TOM1L1: variants seen among roughly 807,000 people sequenced by gnomAD.
The protein encoded by TOM1L1 is target of myb1 like 1 membrane trafficking protein, also known as TOM1-like protein 1.
A neutral mutation model predicts 63.4 loss-of-function variants in TOM1L1; 64 were observed. The observed-to-expected ratio is 1.01, with a 90% CI of 0.83 to 1.24. TOM1L1 has a LOEUF of 1.24. Ranked by LOEUF, TOM1L1 falls within the 50% of genes most tolerant of loss-of-function variation. The pLI is 0.00. For synonymous variants in TOM1L1, 166 were observed against 194.4 expected (o/e 0.85, Z 1.22); for missense variants, 536 against 567.0 (o/e 0.95, Z 0.55).
At chr17:54,936,403 A>T (rs1183504447) in intron 8 of TOM1L1, 3 of 366,156 alleles carry the variant, frequency 8.2e-6, no homozygotes, top group Non-Finnish European at 9.8e-6. Context: ...AATAATGTTA[A>T]TAGATTTAAC....
intron 11 of TOM1L1, among the ~76,000 whole-genome samples, chr17:54,945,791 T>G (rs1007090552): frequency 7.2e-5 from 11 of 152,318 alleles, no homozygotes; most frequent in Admixed American, 2.0e-4. Context: ...AAAGATTGTT[T>G]GCAGTTCTTT....
Position 54,924,963 on chromosome 17 carries a change from T to A in TOM1L1, c.721-5110T>A, listed in dbSNP as rs967021060. ...CATACGGTATATTCTAATTCAGGGT[T>A]GTCTTCTAGAGGCTATTCTCGAGGC... On this transcript the variant is annotated intron_variant, in intron 7 of 15. Transcript: ENST00000575882. Among the ~76,000 whole-genome samples the A allele has an allele frequency of 3.3e-5, 5 of 152,366 alleles. No homozygotes were observed. In the East Asian group the frequency reaches 9.6e-4, roughly 29 times the overall value.
Position 54,936,692 on chromosome 17 carries a change from C to T in TOM1L1, c.898C>T (p.Gln300Ter). The change falls in exon 9 of 16, where the codon CAG (glutamine) becomes TAG (stop). Residue 300 changes from glutamine (Q) to a stop codon, truncating the protein, a stop_gained. Coordinates refer to ENST00000575882, the MANE Select transcript of TOM1L1 (RefSeq NM_005486.3). LOFTEE classifies it high-confidence loss of function. ...AAGGATTTTGGAGCAAAATAAGAAC[C>T]AGAAGGAAGCCACCAATGTAAGTGA... ...QQRILEQNKN[Q>*]KEATNTTSEP... is the part of the protein sequence containing the mutation. The T allele has an allele frequency of 1.2e-6, 2 of 1,605,750 alleles. No individual in the cohort carries two copies. Among genetic ancestry groups the T allele is most frequent in the Non-Finnish European group, 8.5e-7 (1 of 1,177,138 alleles).
intron 7 of TOM1L1, among the ~76,000 whole-genome samples, chr17:54,926,456 TTTTGTTTG>T (rs141426560): frequency 6.6e-6 from 1 of 152,030 alleles, no homozygotes; most frequent in Non-Finnish European, 1.5e-5. Flanking sequence ...ACTTTAATCT[TTTTGTTTG>T]TTTGTTTGTT....
intron 14 of TOM1L1, chr17:54,952,484 T>C (rs1003698880): frequency 1.4e-5 from 2 of 148,002 alleles, no homozygotes; most frequent in Admixed American, 1.4e-4. Context: ...GAGGTAGAGG[T>C]TGCAGTGAGC....
chr17:54,926,003 T>C (rs1449316282), intron 7 of TOM1L1, among the ~76,000 whole-genome samples: 2 of 152,238 alleles, frequency 1.3e-5, no homozygotes, highest in Non-Finnish European at 2.9e-5. Context: ...TCTGTTTCTT[T>C]GGAACCTATT....
intron 7 of TOM1L1, 100 bp downstream of exon 7, chr17:54,915,962 C>T (rs2048581913): frequency 4.3e-6 from 3 of 702,160 alleles, no homozygotes; most frequent in African/African-American, 1.8e-5. Flanking sequence ...TTGTCTAGTA[C>T]ATCCTCCTAC....
At chr17:54,959,845 G>A (rs2077067371) in intron 14 of TOM1L1, among the ~76,000 whole-genome samples, 1 of 151,966 alleles carries the variant, frequency 6.6e-6, no homozygotes, top group African/African-American at 2.4e-5. Flanking sequence ...TTGAAATCCT[G>A]GACTCAAGCG....
chr17:54,947,708 G>A (rs980981400), intron 12 of TOM1L1, among the ~76,000 whole-genome samples: 1 of 152,102 alleles, frequency 6.6e-6, no homozygotes, highest in East Asian at 1.9e-4. Context: ...CCTGCCTCAC[G>A]TTCATTTCTT....
intron 1 of TOM1L1, 78 bp from the exon 2 acceptor site, chr17:54,903,630 G>A: frequency 7.6e-7 from 1 of 1,312,498 alleles, no homozygotes; most frequent in Non-Finnish European, 1.1e-6. Flanking sequence ...TGCTGGTGCA[G>A]CCTAGGCAGA....
chr17:54,914,609 T>C, intron 5 of TOM1L1, 30 bp from the exon 6 acceptor site: 11 of 1,575,570 alleles, frequency 7.0e-6, no homozygotes, highest in Non-Finnish European at 9.6e-6. Flanking sequence ...TTAATTCACA[T>C]AATAATATTA....
intron 11 of TOM1L1, among the ~76,000 whole-genome samples, chr17:54,944,199 A>G (rs1598049294): frequency 6.6e-6 from 1 of 151,432 alleles, no homozygotes; most frequent in Non-Finnish European, 1.5e-5. Flanking sequence ...TGTAATCCCA[A>G]CACTTTGGGA....
Position 54,915,839 on chromosome 17 carries a change from C to T in TOM1L1, c.697C>T (p.His233Tyr). 1.2e-6 allele frequency: 2 copies of T among 1,613,656 alleles called. No homozygotes were observed. The highest frequency in any genetic ancestry group is 1.7e-6 in the Non-Finnish European group (2 of 1,179,700). Residue 233 changes from histidine to tyrosine, a missense_variant, in exon 7 of 16, where the codon CAT becomes TAT. His to Tyr is a moderately conservative substitution (Grantham distance 83). Transcript: ENST00000575882. ...GGAGAATACTCCTGGGTCTGAAAAC[C>T]ATGAAGACATAGAGCTTCTGCAGGT... is the stretch of plus-strand genomic sequence containing the variant. ...LMENTPGSEN[H>Y]EDIELLQKLY...
At chr17:54,931,474 A>G (rs183034675) in intron 8 of TOM1L1, among the ~76,000 whole-genome samples, 18 of 152,252 alleles carry the variant, frequency 1.2e-4, no homozygotes, top group Admixed American at 3.3e-4. Context: ...CCCACTTATC[A>G]TGAGTGAATT....
chr17:54,928,856 G>A (rs1323480238), intron 7 of TOM1L1, among the ~76,000 whole-genome samples: 1 of 151,608 alleles, frequency 6.6e-6, no homozygotes, highest in Non-Finnish European at 1.5e-5. Flanking sequence ...AATATTTTTT[G>A]TTATGATTTT....
intron 11 of TOM1L1, among the ~76,000 whole-genome samples, chr17:54,943,146 A>G (rs983104406): frequency 3.3e-5 from 5 of 152,150 alleles, no homozygotes; most frequent in Admixed American, 6.6e-5. Context: ...GTTGCCTGGT[A>G]TATTTTCTTC....
intron 5 of TOM1L1, among the ~76,000 whole-genome samples, chr17:54,914,143 G>A (rs918627961): frequency 1.3e-5 from 2 of 152,100 alleles, no homozygotes; most frequent in African/African-American, 4.8e-5. Flanking sequence ...TGTTTTCTCT[G>A]CACATTAATG....
In TOM1L1 at chr17:54,949,590, CAG is replaced by C. The variant is rs1481135232; in HGVS notation, c.1258_1259del (p.Leu421AlafsTer14). 4 of 1,613,952 alleles carry C rather than the reference CAG, an allele frequency of 2.5e-6. No homozygotes were observed. The highest frequency in any genetic ancestry group is 2.2e-5 in the East Asian group (1 of 44,870). ...AACCATTGCAGCAGCACCATCAAAC[CAG>C]AGTCTGCCACCTTTGCCCAGCAATC... Reference protein sequence around the residue: ...LQTIAAAPSNQSLPPLPSNHP... With the variant: ...LQTIAAAPSNXSLPPLPSNHP... On this transcript the variant is annotated frameshift_variant, in exon 13 of 16. Transcript: ENST00000575882. LOFTEE classifies it high-confidence loss of function.
intron 7 of TOM1L1, among the ~76,000 whole-genome samples, chr17:54,925,302 G>T (rs1244458632): frequency 6.6e-6 from 1 of 152,172 alleles, no homozygotes; most frequent in East Asian, 1.9e-4. Context: ...GAAAGCAGGG[G>T]TGCCTTTGGT....
Sources: allele counts gnomAD v4.1 joint callset (sites outside exome capture counted in the v4.1 genomes callset), GRCh38; gene constraint gnomAD v4.1.1; transcripts MANE v1.5; gene names NCBI Gene and HGNC (gene_info 2026-07-23, HGNC 2026-07-21).